Variants in PAG1 observed in about 807,000 individuals in gnomAD.
PAG1 encodes the protein phosphoprotein membrane anchor with glycosphingolipid microdomains 1.
PAG1 carries 23 observed loss-of-function variants against 31.7 expected under a neutral mutation model. That is an observed-to-expected ratio of 0.73 (90% CI 0.52 to 1.03). The LOEUF (loss-of-function observed/expected upper bound fraction) is 1.03, where lower values mean the gene tolerates loss of function less well. Among genes scored for constraint, PAG1 ranks in the 50% least tolerant of loss-of-function variants. PAG1 has a pLI of 0.00. For synonymous variants in PAG1, 214 were observed against 210.3 expected (o/e 1.02, Z -0.15); for missense variants, 473 against 540.7 (o/e 0.87, Z 1.24).
chr8:81,058,027 C>G (rs1416710875), intron 2 of PAG1, among the ~76,000 whole-genome samples: 2 of 152,042 alleles, frequency 1.3e-5, no homozygotes, highest in Non-Finnish European at 2.9e-5. Context: ...GTATCAAAAA[C>G]TTGCCAAGAG....
chr8:81,054,662 G>A (rs374518355), intron 2 of PAG1, among the ~76,000 whole-genome samples: 7 of 151,754 alleles, frequency 4.6e-5, no homozygotes, highest in African/African-American at 1.2e-4. Context: ...GCAACAGAGC[G>A]AGACTCCGTC....
In PAG1 at chr8:80,976,910, G is replaced by A; in HGVS notation, c.937-4C>T. On this transcript the variant is annotated splice_region_variant and splice_polypyrimidine_tract_variant and intron_variant, in intron 8 of 8. Transcript: ENST00000220597. Reference sequence around the variant, plus strand: ...CTGATGAGTACATAGCTGAGATCTAGGAGACAAAGGGAGAGTTGAATAAAC... The same window carrying A: ...CTGATGAGTACATAGCTGAGATCTAAGAGACAAAGGGAGAGTTGAATAAAC... 6.3e-7 allele frequency: 1 copy of A among 1,585,296 alleles called. No homozygotes were observed. The highest frequency in any genetic ancestry group is 8.6e-7 in the Non-Finnish European group (1 of 1,167,498).
chr8:80,987,503 C>A (rs751514332), intron 5 of PAG1, 37 bp from the exon 6 acceptor site: 6 of 1,405,384 alleles, frequency 4.3e-6, no homozygotes, highest in Non-Finnish European at 2.0e-6. Context: ...AAATGCATCA[C>A]ATTGCTAAGA....
At chr8:80,986,736 C>A (rs1047077950) in intron 6 of PAG1, among the ~76,000 whole-genome samples, 1 of 146,442 alleles carries the variant, frequency 6.8e-6, no homozygotes, top group Admixed American at 7.0e-5. Flanking sequence ...AGATGACTCC[C>A]GGATGAGAGG....
intron 3 of PAG1, among the ~76,000 whole-genome samples, chr8:81,026,199 G>A (rs548319124): frequency 2.0e-5 from 3 of 151,884 alleles, no homozygotes; most frequent in African/African-American, 7.2e-5. Context: ...ATGAGTGTTT[G>A]TTAAATAAAA....
intron 6 of PAG1, 107 bp from the exon 7 acceptor site, chr8:80,985,484 T>A (rs1477378376): frequency 5.3e-5 from 63 of 1,179,990 alleles, no homozygotes; most frequent in Non-Finnish European, 7.1e-5. Context: ...GTGCTTTTTA[T>A]TTAAGTCTCA....
chr8:81,068,037 C>T lies in PAG1; in HGVS notation c.-175+2075G>A, dbSNP rs117720485. ...TCAGCCTCCCAAGTAGCTGGGATTA[C>T]GGGTGTGCAACACCATGTCCGGCTA... On this transcript the variant is annotated intron_variant, in intron 2 of 8. Coordinates refer to ENST00000220597, the MANE Select transcript of PAG1 (RefSeq NM_018440.4). Among the ~76,000 whole-genome samples the T allele has an allele frequency of 2.5e-3, 386 of 152,290 alleles. 1 individual carries two copies. Among genetic ancestry groups the T allele is most frequent in the Non-Finnish European group, 4.7e-3 (320 of 68,018 alleles).
At chr8:81,063,616 T>C (rs1451142556) in intron 2 of PAG1, among the ~76,000 whole-genome samples, 1 of 152,202 alleles carries the variant, frequency 6.6e-6, no homozygotes, top group Non-Finnish European at 1.5e-5. Flanking sequence ...GTAATTTGGA[T>C]GTGACAGGTG....
intron 1 of PAG1, among the ~76,000 whole-genome samples, chr8:81,100,432 T>C (rs932691211): frequency 1.3e-5 from 2 of 152,222 alleles, no homozygotes; most frequent in African/African-American, 2.4e-5. Flanking sequence ...CATTTTGAGG[T>C]AGAAAATTCT....
At chr8:81,097,483 T>G (rs1276689856) in intron 1 of PAG1, among the ~76,000 whole-genome samples, 1 of 151,006 alleles carries the variant, frequency 6.6e-6, no homozygotes, top group Admixed American at 6.6e-5. Flanking sequence ...AGCTGGGAGG[T>G]AAAAGAGAAA....
At position 80,984,886 on chromosome 8, in the gene PAG1, C is replaced by A. The variant is rs765944746; in HGVS notation, c.766G>T (p.Ala256Ser). Residue 256 changes from alanine to serine, a missense_variant, in exon 7 of 9, where the codon GCC becomes TCC. Ala to Ser is a moderately conservative substitution (Grantham distance 99, BLOSUM62 1). Transcript: ENST00000220597. ...LGNSCDPEEE[A>S]PPPVPVKLLD... ...AGCTTAACAGGGACAGGTGGTGGGG[C>A]CTCCTCTTCTGGATCACATGAATTT... 1.5e-5 allele frequency: 24 copies of A among 1,613,990 alleles called. No individual in the cohort carries two copies. Among genetic ancestry groups the A allele is most frequent in the Non-Finnish European group, 1.9e-5 (22 of 1,180,002 alleles).
At chr8:81,090,932 A>G (rs552850325) in intron 1 of PAG1, among the ~76,000 whole-genome samples, 1 of 152,358 alleles carries the variant, frequency 6.6e-6, no homozygotes, top group East Asian at 1.9e-4. Flanking sequence ...GCAGATTGGC[A>G]TGTTAGAAAA....
At chr8:80,996,249 C>T (rs969459291) in intron 3 of PAG1, among the ~76,000 whole-genome samples, 1 of 152,246 alleles carries the variant, frequency 6.6e-6, no homozygotes, top group Admixed American at 6.5e-5. Context: ...CAACTGCCAC[C>T]TACTCTTCTT....
intron 3 of PAG1, among the ~76,000 whole-genome samples, chr8:81,014,005 G>T (rs1455010621): frequency 6.6e-6 from 1 of 152,160 alleles, no homozygotes; most frequent in Non-Finnish European, 1.5e-5. Flanking sequence ...TATTTGCATT[G>T]ACATTTTATT....
intron 2 of PAG1, among the ~76,000 whole-genome samples, chr8:81,061,920 T>C (rs1808924507): frequency 6.6e-6 from 1 of 152,154 alleles, no homozygotes; most frequent in Admixed American, 6.5e-5. Flanking sequence ...GGGAAAAGGA[T>C]GATAGACAGC....
chr8:80,978,375 G>A (rs964810383), intron 8 of PAG1, among the ~76,000 whole-genome samples: 7 of 152,130 alleles, frequency 4.6e-5, no homozygotes, highest in Non-Finnish European at 8.8e-5. Context: ...ATAAGGAAGT[G>A]CAAACACAGA....
At chr8:81,056,812 C>A (rs1041946024) in intron 2 of PAG1, among the ~76,000 whole-genome samples, 2 of 152,112 alleles carry the variant, frequency 1.3e-5, no homozygotes, top group East Asian at 3.9e-4. Context: ...AAATTTGCAA[C>A]CTACTCCTCT....
intron 2 of PAG1, among the ~76,000 whole-genome samples, chr8:81,054,874 A>G (rs1049063521): frequency 2.2e-4 from 34 of 152,050 alleles, no homozygotes; most frequent in African/African-American, 6.8e-4. Context: ...TCATACCTAC[A>G]TTTCAAAAGC....
At chr8:81,105,983 G>A (rs1809687329) in intron 1 of PAG1, among the ~76,000 whole-genome samples, 1 of 152,190 alleles carries the variant, frequency 6.6e-6, no homozygotes, top group Admixed American at 6.5e-5. Context: ...TAGGGATTGG[G>A]TCAGCTGGAC....
Sources: allele counts gnomAD v4.1 joint callset (sites outside exome capture counted in the v4.1 genomes callset), GRCh38; gene constraint gnomAD v4.1.1; transcripts MANE v1.5; gene names NCBI Gene and HGNC (gene_info 2026-07-23, HGNC 2026-07-21).